The following OPCML variants were observed in gnomAD, a reference collection of about 807,000 sequenced individuals.
The protein encoded by OPCML is opioid binding protein/cell adhesion molecule like.
In OPCML, 13 loss-of-function variants were observed where a neutral mutation model predicts 37.8. That is an observed-to-expected ratio of 0.34 (90% CI 0.22 to 0.55). OPCML has a LOEUF of 0.55. Ranked by LOEUF, OPCML falls within the 20% of genes least tolerant of loss-of-function variation. OPCML has a pLI of 0.91. For missense variants in OPCML, 341 were observed against 435.6 expected (o/e 0.78, Z 1.93); for synonymous variants, 176 against 168.8 (o/e 1.04, Z -0.33).
At chr11:133,453,978 T>C (rs754607719) in intron 1 of OPCML, among the ~76,000 whole-genome samples, 7 of 152,160 alleles carry the variant, frequency 4.6e-5, no homozygotes, top group African/African-American at 7.2e-5. Context: ...AGAATTTCTG[T>C]CTGCTGTAGT....
At chr11:133,468,976 C>T (rs11223480) in intron 1 of OPCML, among the ~76,000 whole-genome samples, 1 of 152,116 alleles carries the variant, frequency 6.6e-6, no homozygotes, top group African/African-American at 2.4e-5. Context: ...GATAGTCACC[C>T]GGGAACTGAA....
intron 3 of OPCML, among the ~76,000 whole-genome samples, chr11:132,568,914 A>C (rs2096430826): frequency 6.6e-6 from 1 of 152,270 alleles, no homozygotes; most frequent in South Asian, 2.1e-4. Context: ...GAATAAAGAA[A>C]TATGTTGTGA....
Position 133,026,297 on chromosome 11 carries a change from G to A in OPCML, c.62-83287C>T, listed in dbSNP as rs965583148. 35 of 865,590 alleles carry A rather than the reference G, an allele frequency of 4.0e-5. No homozygotes were observed. The African/African-American group carries it at 4.7e-4, about 12-fold the overall frequency. The allele number at this position is 865,590 out of a possible 1,614,324, so 53.6% of individuals were successfully genotyped here. ...AAAAAATGGTCAAAATGGATTTGGG[G>A]TTTGGGCTTGTTCAGCTGTCAACAT... On this transcript the variant is annotated intron_variant, in intron 1 of 7. Coordinates refer to ENST00000524381, the MANE Select transcript of OPCML (RefSeq NM_001012393.5).
intron 4 of OPCML, among the ~76,000 whole-genome samples, chr11:132,484,533 A>G (rs1400708157): frequency 1.3e-5 from 2 of 152,238 alleles, no homozygotes; most frequent in Admixed American, 1.3e-4. Flanking sequence ...ATCTAGAACT[A>G]GCAATACCAT....
At chr11:132,895,121 A>G (rs1342019417) in intron 2 of OPCML, among the ~76,000 whole-genome samples, 1 of 152,208 alleles carries the variant, frequency 6.6e-6, no homozygotes, top group Non-Finnish European at 1.5e-5. Context: ...TAAAAATGCC[A>G]AAGACTCTAC....
chr11:133,059,748 G>A (rs1948305630), intron 1 of OPCML, among the ~76,000 whole-genome samples: 1 of 152,160 alleles, frequency 6.6e-6, no homozygotes, highest in African/African-American at 2.4e-5. Flanking sequence ...GCTAGCCACT[G>A]TTTTCATGGA....
chr11:133,035,899 A>T (rs1367436990), intron 1 of OPCML, among the ~76,000 whole-genome samples: 1 of 137,048 alleles, frequency 7.3e-6, no homozygotes, highest in Non-Finnish European at 1.5e-5. Flanking sequence ...GCAAGAAGCC[A>T]TCTGCAAGCC....
At chr11:132,998,415 C>A (rs1238557949) in intron 1 of OPCML, among the ~76,000 whole-genome samples, 1 of 152,128 alleles carries the variant, frequency 6.6e-6, no homozygotes, top group African/African-American at 2.4e-5. Flanking sequence ...TCTGGGCCTA[C>A]TCATGCTCCA....
chr11:132,908,978 A>C (rs1105543), intron 2 of OPCML, among the ~76,000 whole-genome samples: 94,705 of 151,970 alleles, frequency 0.62, 30,122 homozygotes, highest in Middle Eastern at 0.74. Context: ...GCCCTGGCAA[A>C]CCCCGGAAGA....
At chr11:132,698,953 G>T (rs73051174) in intron 2 of OPCML, among the ~76,000 whole-genome samples, 49 of 152,092 alleles carry the variant, frequency 3.2e-4, no homozygotes, top group Non-Finnish European at 5.6e-4. Flanking sequence ...ATCGCTTTGG[G>T]TATTGCAGAC....
chr11:132,696,314 C>A, intron 2 of OPCML, among the ~76,000 whole-genome samples: 1 of 152,184 alleles, frequency 6.6e-6, no homozygotes, highest in East Asian at 1.9e-4. Flanking sequence ...AGAAAGCCCA[C>A]CCTAGCTATG....
intron 2 of OPCML, among the ~76,000 whole-genome samples, chr11:132,659,061 A>T (rs905339296): frequency 6.6e-6 from 1 of 152,208 alleles, no homozygotes; most frequent in Non-Finnish European, 1.5e-5. Context: ...GTAGGACCTG[A>T]TAATCTAGGT....
At chr11:133,243,697 C>G (rs1592136445) in intron 1 of OPCML, among the ~76,000 whole-genome samples, 1 of 152,176 alleles carries the variant, frequency 6.6e-6, no homozygotes, top group East Asian at 1.9e-4. Context: ...TGCAGGGGAT[C>G]TGGGAGTGGG....
At chr11:132,632,241 ATTTTTTTTTTT>A (rs67176157) in intron 3 of OPCML, among the ~76,000 whole-genome samples, 110 of 111,570 alleles carry the variant, frequency 9.9e-4, no homozygotes, top group African/African-American at 3.8e-3. Flanking sequence ...ATTCAAACAC[ATTTTTTTTTTT>A]TTTTTTTTTT....
chr11:132,738,540 G>C (rs1191102949), intron 2 of OPCML, among the ~76,000 whole-genome samples: 3 of 152,150 alleles, frequency 2.0e-5, no homozygotes, highest in Non-Finnish European at 4.4e-5. Context: ...TAACATGAAA[G>C]TCTGACCTTC....
chr11:132,431,789 G>A (rs554000719), intron 7 of OPCML, among the ~76,000 whole-genome samples: 6 of 152,298 alleles, frequency 3.9e-5, no homozygotes, highest in African/African-American at 9.6e-5. Context: ...AAGGGATCAC[G>A]GGGCAGAGTC....
chr11:132,701,417 C>T (rs779198753), intron 2 of OPCML, among the ~76,000 whole-genome samples: 2 of 152,188 alleles, frequency 1.3e-5, no homozygotes, highest in Admixed American at 6.5e-5. Context: ...TCTCTTATGA[C>T]AGGCTTTTAC....
At chr11:132,681,254 A>C (rs534619758) in intron 2 of OPCML, among the ~76,000 whole-genome samples, 1 of 152,220 alleles carries the variant, frequency 6.6e-6, no homozygotes. Flanking sequence ...AGAACTTTAC[A>C]TCCCCATTTT....
At chr11:132,561,770 AG>A (rs1451475793) in intron 3 of OPCML, among the ~76,000 whole-genome samples, 2 of 152,254 alleles carry the variant, frequency 1.3e-5, no homozygotes, top group African/African-American at 4.8e-5. Flanking sequence ...CTTGTAACTC[AG>A]TGGACAACGA....
Sources: gnomAD v4.1 joint callset for allele counts (sites outside exome capture counted in the v4.1 genomes callset) on GRCh38, gnomAD v4.1.1 for gene constraint, MANE v1.5 for transcripts, NCBI Gene and HGNC (gene_info 2026-07-23, HGNC 2026-07-21) for gene names.